The following GALNTL6 variants were observed in gnomAD, a reference collection of about 807,000 sequenced individuals.
GALNTL6 encodes the protein polypeptide N-acetylgalactosaminyltransferase-like 6.
A neutral mutation model predicts 73.7 loss-of-function variants in GALNTL6; 46 were observed. The observed-to-expected ratio is 0.62, with a 90% CI of 0.49 to 0.80. The LOEUF (loss-of-function observed/expected upper bound fraction) is 0.80. GALNTL6 is among the 30% of genes least tolerant of loss of function. The pLI is 0.00. For synonymous variants in GALNTL6, 259 were observed against 263.7 expected, an observed-to-expected ratio of 0.98 and a Z score of 0.17; for missense variants, 604 against 755.0, an observed-to-expected ratio of 0.80 and a Z score of 2.34.
At chr4:172,394,652 G>A (rs1438415458) in intron 5 of GALNTL6, among the ~76,000 whole-genome samples, 5 of 151,750 alleles carry the variant, frequency 3.3e-5, no homozygotes, top group Non-Finnish European at 4.4e-5. Context: ...GGCTGGTCTC[G>A]AACTCCTGAC....
intron 9 of GALNTL6, among the ~76,000 whole-genome samples, chr4:172,944,040 T>C (rs1016981540): frequency 2.6e-5 from 4 of 152,156 alleles, no homozygotes; most frequent in African/African-American, 9.7e-5. Flanking sequence ...TTATAACATT[T>C]CTAGAATACA....
intron 5 of GALNTL6, among the ~76,000 whole-genome samples, chr4:172,808,679 T>C (rs1741114904): frequency 6.6e-6 from 1 of 152,256 alleles, no homozygotes; most frequent in South Asian, 2.1e-4. Flanking sequence ...ATTATCCGAT[T>C]TGATTTTGTT....
At chr4:172,297,320 ATGGTAGATTCTTTTGC>A (rs1431596677) in intron 3 of GALNTL6, among the ~76,000 whole-genome samples, 1 of 151,988 alleles carries the variant, frequency 6.6e-6, no homozygotes, top group Non-Finnish European at 1.5e-5. Context: ...GTTCACTCTG[ATGGTAGATTCTTTTGC>A]TGTGCAGAAG....
chr4:172,994,660 C>A (rs1751696675), intron 10 of GALNTL6, among the ~76,000 whole-genome samples: 1 of 152,096 alleles, frequency 6.6e-6, no homozygotes, highest in Admixed American at 6.6e-5. Context: ...AATAGATAAC[C>A]CAGACCGTGA....
Position 172,504,175 on chromosome 4 carries a change from A to AAAAAAAAAAC in GALNTL6, c.553+155490_553+155491insAAAAACAAAA, listed in dbSNP as rs1363544210. Among the ~76,000 whole-genome samples the AAAAAAAAAAC allele has an allele frequency of 6.4e-4, 25 of 39,316 alleles. 7 individuals carry two copies. Among genetic ancestry groups the AAAAAAAAAAC allele is most frequent in the African/African-American group, 1.6e-3 (21 of 13,020 alleles). The allele number at this position is 39,316 out of a possible 152,430, so 25.8% of individuals were successfully genotyped here. The stretch of plus-strand genomic sequence containing the variant: ...ACTCTGTCTCAAAAAAAAAAAAAAA[A>AAAAAAAAAAC]AAAACTCACACCTTGTTGATATTGG... On this transcript the variant is annotated intron_variant, in intron 5 of 12. Transcript: ENST00000506823.
At chr4:172,310,473 G>T (rs1284635653) in intron 3 of GALNTL6, among the ~76,000 whole-genome samples, 1 of 151,970 alleles carries the variant, frequency 6.6e-6, no homozygotes, top group Non-Finnish European at 1.5e-5. Flanking sequence ...ATTTCGCCAG[G>T]TTGGCCAGGC....
chr4:172,163,816 A>T (rs1029858506), intron 2 of GALNTL6, among the ~76,000 whole-genome samples: 12 of 152,154 alleles, frequency 7.9e-5, no homozygotes, highest in African/African-American at 2.4e-4. Context: ...GTTAAAGGCA[A>T]ACAACATACA....
intron 8 of GALNTL6, among the ~76,000 whole-genome samples, chr4:172,929,777 C>T (rs1484751547): frequency 4.6e-5 from 7 of 152,174 alleles, no homozygotes; most frequent in Admixed American, 3.9e-4. Context: ...ATAAAATTAA[C>T]CATCAGAGTA....
At chr4:171,845,294 A>G (rs1390708735) in intron 2 of GALNTL6, among the ~76,000 whole-genome samples, 18 of 152,190 alleles carry the variant, frequency 1.2e-4, no homozygotes, top group Admixed American at 1.2e-3. Flanking sequence ...AGACAAACTA[A>G]TAACTTCTAG....
At chr4:172,911,339 A>C (rs1408512732) in intron 8 of GALNTL6, among the ~76,000 whole-genome samples, 4 of 152,238 alleles carry the variant, frequency 2.6e-5, no homozygotes, top group Non-Finnish European at 5.9e-5. Context: ...TATGCCAAGG[A>C]TGATTCTAAA....
intron 12 of GALNTL6, among the ~76,000 whole-genome samples, chr4:173,027,081 G>A (rs533833144): frequency 3.3e-5 from 5 of 152,196 alleles, no homozygotes; most frequent in African/African-American, 7.2e-5. Context: ...TCCACCTCCC[G>A]GGTTCAAGCG....
chr4:172,654,322 C>T (rs978958660), intron 5 of GALNTL6, among the ~76,000 whole-genome samples: 1 of 152,196 alleles, frequency 6.6e-6, no homozygotes, highest in Non-Finnish European at 1.5e-5. Flanking sequence ...TTGTTCTCAA[C>T]CGAACCATTA....
chr4:172,335,415 G>A (rs1316359554), intron 4 of GALNTL6, among the ~76,000 whole-genome samples: 1 of 152,148 alleles, frequency 6.6e-6, no homozygotes, highest in Non-Finnish European at 1.5e-5. Context: ...TATTCATTGT[G>A]TCTTTGCCAG....
intron 2 of GALNTL6, among the ~76,000 whole-genome samples, chr4:172,066,122 A>T (rs1357983095): frequency 6.6e-6 from 1 of 152,200 alleles, no homozygotes; most frequent in East Asian, 1.9e-4. Flanking sequence ...CATTGTTTAC[A>T]TCAGGGTTCA....
chr4:171,861,552 T>C (rs1366359643), intron 2 of GALNTL6, among the ~76,000 whole-genome samples: 1 of 152,086 alleles, frequency 6.6e-6, no homozygotes, highest in African/African-American at 2.4e-5. Flanking sequence ...GGGATGTGTT[T>C]TCCTCTCTTC....
chr4:172,994,638 G>A (rs1034320379), intron 10 of GALNTL6, among the ~76,000 whole-genome samples: 1 of 152,146 alleles, frequency 6.6e-6, no homozygotes, highest in African/African-American at 2.4e-5. Flanking sequence ...GTTTAGCAGT[G>A]CTGACATTCG....
At chr4:172,411,654 A>G (rs1744441172) in intron 5 of GALNTL6, among the ~76,000 whole-genome samples, 1 of 151,894 alleles carries the variant, frequency 6.6e-6, no homozygotes, top group Non-Finnish European at 1.5e-5. Flanking sequence ...TATACAGAAG[A>G]GGCTTTTTGT....
rs976959116 is a variant in GALNTL6, at chr4:172,070,002, T to C, written c.139-159654T>C. On this transcript the variant is annotated intron_variant, in intron 2 of 12. Transcript: ENST00000506823. The stretch of plus-strand genomic sequence containing the variant: ...ACAGAGCATTGTATTCTCAATGGGT[T>C]GCCTCTCTGGCCTCTTCGATAAGGT... 6.5e-5 allele frequency among the ~76,000 whole-genome samples: 7 copies of C among 108,294 alleles called. 3 individuals carry two copies. The highest frequency in any genetic ancestry group is 1.0e-4 in the Non-Finnish European group (5 of 48,976). 71.0% of individuals were successfully genotyped at this position (108,294 alleles called of 152,430 possible). A position where few individuals can be genotyped will look rare whatever the true frequency, so the allele number is the denominator to read the frequency against.
chr4:172,837,441 G>A (rs1742967674), intron 7 of GALNTL6, among the ~76,000 whole-genome samples: 1 of 151,868 alleles, frequency 6.6e-6, no homozygotes, highest in Admixed American at 6.6e-5. Context: ...AAAAAAATAT[G>A]AAAGAAGGTA....
Sources: gnomAD v4.1 joint callset for allele counts (sites outside exome capture counted in the v4.1 genomes callset) on GRCh38, gnomAD v4.1.1 for gene constraint, MANE v1.5 for transcripts, NCBI Gene and HGNC (gene_info 2026-07-23, HGNC 2026-07-21) for gene names.